The following DPYD variants were observed in gnomAD, a reference collection of about 807,000 sequenced individuals.
The protein encoded by DPYD is dihydropyrimidine dehydrogenase [NADP(+)].
A neutral mutation model predicts 116.2 loss-of-function variants in DPYD; 109 were observed. The ratio of observed to expected loss-of-function variants is 0.94; its 90% CI spans 0.80 to 1.10. DPYD has a LOEUF of 1.10. Among genes scored for constraint, DPYD ranks in the 50% least tolerant of loss-of-function variants. DPYD has a pLI of 0.00. For missense variants in DPYD, 1,302 were observed against 1,254.5 expected (o/e 1.04, Z -0.57); for synonymous variants, 440 against 432.0 (o/e 1.02, Z -0.23).
At chr1:97,848,787 G>C (rs1000491836) in intron 2 of DPYD, among the ~76,000 whole-genome samples, 1 of 152,082 alleles carries the variant, frequency 6.6e-6, no homozygotes, top group African/African-American at 2.4e-5. Flanking sequence ...AAAGAACAAA[G>C]GTTTTCAGAG....
intron 8 of DPYD, among the ~76,000 whole-genome samples, chr1:97,617,814 G>A (rs1656383290): frequency 6.6e-6 from 1 of 152,162 alleles, no homozygotes; most frequent in South Asian, 2.1e-4. Context: ...AGAGATGGAT[G>A]CACATCTCCA....
At position 97,308,497 on chromosome 1, in the gene DPYD, G is replaced by A. The variant is rs1667296444; in HGVS notation, c.2059-2200C>T. 2.0e-5 allele frequency: 3 copies of A among 151,862 alleles called. No homozygotes were observed. The South Asian group carries it at 6.2e-4, about 31-fold the overall frequency. 9.4% of individuals were successfully genotyped at this position (151,862 alleles called of 1,614,324 possible). ...AAAATTACCATAAAAATTAATGATT[G>A]TTCTGTAAATTGCAATGTTTTGTTT... On this transcript the variant is annotated intron_variant, in intron 16 of 22. Transcript: ENST00000370192.
chr1:97,719,774 G>C, intron 5 of DPYD: 13 of 984,782 alleles, frequency 1.3e-5, no homozygotes, highest in Non-Finnish European at 1.6e-5. Context: ...GTTCCCACGA[G>C]GACATTTTTA....
intron 8 of DPYD, among the ~76,000 whole-genome samples, chr1:97,658,996 C>T (rs2100862072): frequency 6.6e-6 from 1 of 152,218 alleles, no homozygotes; most frequent in South Asian, 2.1e-4. Context: ...ATCTTTGCAA[C>T]TCAGTAAAGA....
At position 97,639,877 on chromosome 1, in the gene DPYD, C is replaced by T. The variant is rs76412887; in HGVS notation, c.850+39218G>A. On this transcript the variant is annotated intron_variant, in intron 8 of 22. Coordinates refer to ENST00000370192, the MANE Select transcript of DPYD (RefSeq NM_000110.4). ...CAAACGCATGTGTATGAACAGATGA[C>T]GCAGAACATGCCTATTCAAGACAAC... is the stretch of plus-strand genomic sequence containing the variant. Among the ~76,000 whole-genome samples, 690 of 152,186 alleles carry T rather than the reference C, an allele frequency of 4.5e-3. 14 individuals carry two copies. Among genetic ancestry groups the T allele is most frequent in the African/African-American group, 0.015 (640 of 41,540 alleles).
At chr1:97,674,990 T>C (rs1458391944) in intron 8 of DPYD, among the ~76,000 whole-genome samples, 1 of 152,198 alleles carries the variant, frequency 6.6e-6, no homozygotes, top group Non-Finnish European at 1.5e-5. Context: ...ACTAGAGCCA[T>C]ATTTAAAAAA....
intron 18 of DPYD, among the ~76,000 whole-genome samples, chr1:97,244,260 G>A (rs776131532): frequency 5.3e-5 from 8 of 151,988 alleles, no homozygotes; most frequent in Non-Finnish European, 1.0e-4. Context: ...TAATTGCCAT[G>A]AAATGCCCTG....
intron 11 of DPYD, among the ~76,000 whole-genome samples, chr1:97,552,103 A>G (rs1651367021): frequency 6.6e-6 from 1 of 152,034 alleles, no homozygotes; most frequent in Admixed American, 6.6e-5. Context: ...TTTATCATGA[A>G]GTTACTGAAG....
chr1:97,541,236 G>A lies in DPYD; in HGVS notation c.1524+8324C>T, dbSNP rs1173309138. Among the ~76,000 whole-genome samples the A allele has an allele frequency of 2.6e-5, 4 of 152,108 alleles. No homozygotes were observed. In the East Asian group the frequency reaches 7.7e-4, roughly 29 times the overall value. ...TATGTTTCTCGCCCTGTTTCTGTTG[G>A]ATATAAATGTAAATAAATAAACATT... is the stretch of plus-strand genomic sequence containing the variant. On this transcript the variant is annotated intron_variant, in intron 12 of 22. Transcript: ENST00000370192.
At chr1:97,619,978 G>A (rs191489228) in intron 8 of DPYD, among the ~76,000 whole-genome samples, 4 of 150,612 alleles carry the variant, frequency 2.7e-5, no homozygotes, top group Admixed American at 6.6e-5. Flanking sequence ...TGTAAGAACC[G>A]TTTTTAGCCA....
At position 97,621,367 on chromosome 1, in the gene DPYD, TAGAG is replaced by T. The variant is rs200222490; in HGVS notation, c.851-26205_851-26202del. 5.7e-3 allele frequency among the ~76,000 whole-genome samples: 862 copies of T among 152,136 alleles called. 19 individuals are homozygous for T. Among genetic ancestry groups the T allele is most frequent in the Non-Finnish European group, 3.2e-3 (220 of 67,982 alleles). On this transcript the variant is annotated intron_variant, in intron 8 of 22. Coordinates refer to ENST00000370192, the MANE Select transcript of DPYD (RefSeq NM_000110.4). ...TTAAATGTAAATAAGAAGAAAAGGA[TAGAG>T]AGAGGCTACAATGGTCTACGTGGTG...
At position 97,826,955 on chromosome 1, in the gene DPYD, C is replaced by T. The variant is rs138337892; in HGVS notation, c.233+1159G>A. Among the ~76,000 whole-genome samples the T allele has an allele frequency of 4.6e-5, 7 of 152,052 alleles. No homozygotes were observed. In the East Asian group the frequency reaches 1.4e-3, roughly 29 times the overall value. On this transcript the variant is annotated intron_variant, in intron 3 of 22. Coordinates refer to ENST00000370192, the MANE Select transcript of DPYD (RefSeq NM_000110.4). The stretch of plus-strand genomic sequence containing the variant: ...CATCATAATCATCTATACAGAAGTA[C>T]CATGTATCTTTGTGTAGAAGCTACT...
chr1:97,504,931 G>A (rs192224358), intron 13 of DPYD, among the ~76,000 whole-genome samples: 8 of 151,924 alleles, frequency 5.3e-5, no homozygotes, highest in Admixed American at 5.3e-4. Context: ...ATTCCCTCTT[G>A]TGTCCATTGA....
At chr1:97,647,820 A>C (rs1241778677) in intron 8 of DPYD, among the ~76,000 whole-genome samples, 2 of 152,020 alleles carry the variant, frequency 1.3e-5, no homozygotes, top group Non-Finnish European at 1.5e-5. Flanking sequence ...GATAACCAAA[A>C]TTATGTCCAA....
At chr1:97,751,647 T>G (rs1228677967) in intron 3 of DPYD, among the ~76,000 whole-genome samples, 1 of 151,400 alleles carries the variant, frequency 6.6e-6, no homozygotes, top group Non-Finnish European at 1.5e-5. Context: ...TGATGGTCTC[T>G]ACTTTAGTCA....
intron 5 of DPYD, among the ~76,000 whole-genome samples, chr1:97,707,021 G>T (rs1662002153): frequency 6.6e-6 from 1 of 152,048 alleles, no homozygotes; most frequent in Non-Finnish European, 1.5e-5. Flanking sequence ...TCAGTGTTCT[G>T]CATTTTGGCT....
intron 8 of DPYD, among the ~76,000 whole-genome samples, chr1:97,635,484 C>A (rs1266306500): frequency 1.3e-5 from 2 of 152,150 alleles, no homozygotes; most frequent in South Asian, 2.1e-4. Context: ...GTAATTGGCA[C>A]CCACAGTTTA....
intron 8 of DPYD, among the ~76,000 whole-genome samples, chr1:97,637,251 T>C (rs1657621324): frequency 6.6e-6 from 1 of 152,114 alleles, no homozygotes; most frequent in Admixed American, 6.6e-5. Flanking sequence ...ATCTCCCATT[T>C]GTTCTCCTCA....
At chr1:97,643,158 T>G (rs1212402711) in intron 8 of DPYD, among the ~76,000 whole-genome samples, 3 of 151,898 alleles carry the variant, frequency 2.0e-5, no homozygotes, top group Non-Finnish European at 2.9e-5. Flanking sequence ...ACCTACAGAA[T>G]AGGAGAATTT....
Sources: allele counts gnomAD v4.1 joint callset (sites outside exome capture counted in the v4.1 genomes callset), GRCh38; gene constraint gnomAD v4.1.1; transcripts MANE v1.5; gene names NCBI Gene and HGNC (gene_info 2026-07-23, HGNC 2026-07-21).